The following ZMYM2 variants were observed in gnomAD, a reference collection of about 807,000 sequenced individuals.
The protein encoded by ZMYM2 is zinc finger MYM-type containing 2, also known as zinc finger MYM-type protein 2.
In ZMYM2, 56 loss-of-function variants were observed where a neutral mutation model predicts 162.8. The observed-to-expected ratio is 0.34, with a 90% CI of 0.28 to 0.43. The LOEUF is 0.43. Among genes scored for constraint, ZMYM2 ranks in the 20% least tolerant of loss-of-function variants. The pLI, the probability that ZMYM2 is intolerant of heterozygous loss-of-function variation, is 1.00. For missense variants in ZMYM2, 1,275 were observed against 1,621.8 expected, an observed-to-expected ratio of 0.79 and a Z score of 3.67; for synonymous variants, 510 against 541.6, an observed-to-expected ratio of 0.94 and a Z score of 0.81.
chr13:20,002,490 T>C (rs1950468914), intron 3 of ZMYM2, among the ~76,000 whole-genome samples: 5 of 152,306 alleles, frequency 3.3e-5, no homozygotes, highest in African/African-American at 4.8e-5. Flanking sequence ...TTTTTTCTTT[T>C]AATTAATTTT....
At chr13:19,908,769 A>G in the ZMYM2 span, among the ~76,000 whole-genome samples, 5 of 152,338 alleles carry the variant, frequency 3.3e-5, no homozygotes, top group African/African-American at 1.2e-4. Context: ...TAAGAAAGCT[A>G]CATTTCATGG....
At chr13:19,983,782 C>T (rs951320064) in intron 2 of ZMYM2, among the ~76,000 whole-genome samples, 1 of 151,374 alleles carries the variant, frequency 6.6e-6, no homozygotes, top group African/African-American at 2.4e-5. Flanking sequence ...GCGTGCATCA[C>T]TATGCCCATC....
chr13:19,895,281 T>C, the ZMYM2 span, among the ~76,000 whole-genome samples: 1 of 151,844 alleles, frequency 6.6e-6, no homozygotes, highest in Non-Finnish European at 1.5e-5. Flanking sequence ...AATTACCATA[T>C]CATCATATCA....
intron 9 of ZMYM2, 129 bp from the exon 10 acceptor site, chr13:20,031,188 GTT>G: frequency 1.7e-6 from 1 of 575,376 alleles, no homozygotes. Flanking sequence ...TTGGAAATGA[GTT>G]TTATGTGCTG....
chr13:20,052,411 G>T (rs577457009), intron 14 of ZMYM2, 100 bp downstream of exon 14: 865 of 1,037,054 alleles, frequency 8.3e-4, no homozygotes, highest in Admixed American at 1.0e-3. Flanking sequence ...AATTTTTTTG[G>T]TTTTTTTTTT....
At chr13:20,008,110 T>C (rs1488378175) in intron 6 of ZMYM2, among the ~76,000 whole-genome samples, 2 of 152,280 alleles carry the variant, frequency 1.3e-5, no homozygotes, top group South Asian at 2.1e-4. Flanking sequence ...AGATTAATTA[T>C]AACTAACTAT....
At chr13:19,976,335 A>AG (rs1358283128) in intron 2 of ZMYM2, among the ~76,000 whole-genome samples, 25 of 151,352 alleles carry the variant, frequency 1.7e-4, no homozygotes, top group South Asian at 4.1e-4. Flanking sequence ...TCAAAAAAAA[A>AG]AAAAGAAAGA....
chr13:19,959,286 C>G (rs1405720473), intron 1 of ZMYM2, among the ~76,000 whole-genome samples: 2 of 151,838 alleles, frequency 1.3e-5, no homozygotes, highest in African/African-American at 4.8e-5. Context: ...CCGGCTGGGT[C>G]TCCGCTCTCG....
At chr13:20,018,247 A>G (rs1951783626) in intron 6 of ZMYM2, among the ~76,000 whole-genome samples, 1 of 152,230 alleles carries the variant, frequency 6.6e-6, no homozygotes, top group Admixed American at 6.5e-5. Context: ...ACATAAATAA[A>G]AATTATTTAA....
At chr13:20,030,161 A>G (rs9579771) in intron 9 of ZMYM2, among the ~76,000 whole-genome samples, 162 of 152,026 alleles carry the variant, frequency 1.1e-3, no homozygotes, top group Non-Finnish European at 1.9e-3. Flanking sequence ...CAGTGTGTAA[A>G]TCTTTTTTCT....
the ZMYM2 span, among the ~76,000 whole-genome samples, chr13:19,884,832 T>A: frequency 6.6e-6 from 1 of 151,900 alleles, no homozygotes; most frequent in Non-Finnish European, 1.5e-5. Context: ...ATTCCAGCAG[T>A]AAAAGAAAAC....
the ZMYM2 span, among the ~76,000 whole-genome samples, chr13:19,906,355 ATATATATATGTATATATATATGTG>A: frequency 7.6e-6 from 1 of 132,270 alleles, no homozygotes; most frequent in Non-Finnish European, 1.6e-5. Flanking sequence ...ATGTGTGTGT[ATATATATATGTATATATATATGTG>A]TATATATATG....
intron 14 of ZMYM2, among the ~76,000 whole-genome samples, chr13:20,055,122 C>T (rs1430609075): frequency 7.3e-5 from 11 of 151,522 alleles, no homozygotes; most frequent in Non-Finnish European, 1.0e-4. Context: ...GTTGTGTATG[C>T]AGATTCTGGT....
chr13:20,009,556 A>G (rs1032284370), intron 6 of ZMYM2, among the ~76,000 whole-genome samples: 7 of 152,060 alleles, frequency 4.6e-5, no homozygotes, highest in Non-Finnish European at 8.8e-5. Context: ...ACATTAGCCA[A>G]TAACTCCCAT....
chr13:19,984,336 TAA>T (rs1274237657), intron 2 of ZMYM2, among the ~76,000 whole-genome samples: 3 of 152,242 alleles, frequency 2.0e-5, no homozygotes, highest in African/African-American at 7.2e-5. Flanking sequence ...TTATGATTTA[TAA>T]TGTGGAGTAT....
chr13:20,052,336 T>A lies in ZMYM2; in HGVS notation c.2493+25T>A, dbSNP rs576199236. 1.9e-6 allele frequency: 3 copies of A among 1,560,508 alleles called. No homozygotes were observed. In the African/African-American group the frequency reaches 4.1e-5, roughly 21 times the overall value. ...AGTAAGTATTGGTGAAATGGAGTGCTGAATTGTGATTTTTGTAATATGGGG... is the reference window on the plus strand; with the variant it reads ...AGTAAGTATTGGTGAAATGGAGTGCAGAATTGTGATTTTTGTAATATGGGG... On this transcript the variant is annotated intron_variant, in intron 14 of 24. Coordinates refer to ENST00000610343, the MANE Select transcript of ZMYM2 (RefSeq NM_197968.4).
intron 12 of ZMYM2, among the ~76,000 whole-genome samples, chr13:20,042,715 A>T (rs561787025): frequency 3.4e-5 from 5 of 148,702 alleles, no homozygotes; most frequent in Non-Finnish European, 7.4e-5. Context: ...TTTGCTTTTT[A>T]TTATTATTAT....
the ZMYM2 span, among the ~76,000 whole-genome samples, chr13:19,946,665 T>TAAG: frequency 2.0e-5 from 3 of 152,222 alleles, no homozygotes; most frequent in African/African-American, 7.2e-5. Context: ...TGATTCACTG[T>TAAG]TGTATCCCTA....
intron 2 of ZMYM2, among the ~76,000 whole-genome samples, chr13:19,983,035 C>A (rs933377710): frequency 1.1e-4 from 16 of 152,016 alleles, no homozygotes; most frequent in African/African-American, 3.4e-4. Context: ...TATGTAGATA[C>A]AATTATTTTA....
Sources: allele counts gnomAD v4.1 joint callset (sites outside exome capture counted in the v4.1 genomes callset), GRCh38; gene constraint gnomAD v4.1.1; transcripts MANE v1.5; gene names NCBI Gene and HGNC (gene_info 2026-07-23, HGNC 2026-07-21).